HIPK2: variants seen among roughly 807,000 people sequenced by gnomAD.
HIPK2 encodes homeodomain-interacting protein kinase 2.
Under a neutral mutation model 113.7 loss-of-function variants are expected in HIPK2, and 27 were observed. The ratio of observed to expected loss-of-function variants is 0.24; its 90% CI spans 0.17 to 0.33. The LOEUF (loss-of-function observed/expected upper bound fraction) is 0.33, where lower values mean the gene tolerates loss of function less well. Ranked by LOEUF, HIPK2 falls within the 10% of genes least tolerant of loss-of-function variation. HIPK2 has a pLI of 1.00. For synonymous variants in HIPK2, 631 were observed against 642.2 expected (o/e 0.98, Z 0.26); for missense variants, 1,257 against 1,588.0 (o/e 0.79, Z 3.54).
intron 2 of HIPK2, among the ~76,000 whole-genome samples, chr7:139,640,643 TCTTC>T (rs755836861): frequency 3.9e-5 from 6 of 152,078 alleles, no homozygotes; most frequent in African/African-American, 9.7e-5. Flanking sequence ...AGATCATCCC[TCTTC>T]CTTATTTTTT....
rs962451173 is a variant in HIPK2 at position 139,565,914 on chromosome 7, A to C, written c.*7013T>G. 11 of 152,114 alleles carry C rather than the reference A, an allele frequency of 7.2e-5. No homozygotes were observed. The highest frequency in any genetic ancestry group is 7.2e-4 in the Admixed American group (11 of 15,274). 9.4% of individuals were successfully genotyped at this position (152,114 alleles called of 1,614,324 possible). The stretch of plus-strand genomic sequence containing the variant: ...CATTTTGAAAAAAATATATACCTTT[A>C]GTATTGCCTTTCTAGAATTAACTAT... On this transcript the variant is annotated 3_prime_UTR_variant, in exon 15 of 15. Coordinates refer to ENST00000406875, the MANE Select transcript of HIPK2 (RefSeq NM_022740.5).
At chr7:139,730,426 T>C (rs1239818926) in intron 1 of HIPK2, among the ~76,000 whole-genome samples, 2 of 150,918 alleles carry the variant, frequency 1.3e-5, no homozygotes, top group African/African-American at 4.9e-5. Flanking sequence ...AGTGGTGAGA[T>C]CTCGGCTCAC....
chr7:139,682,190 CA>C (rs909196848), intron 2 of HIPK2, among the ~76,000 whole-genome samples: 11 of 152,308 alleles, frequency 7.2e-5, no homozygotes, highest in Admixed American at 2.0e-4. Context: ...ATATTCACGA[CA>C]GGCAAGGTCC....
At chr7:139,717,088 A>G (rs1317198462) in intron 1 of HIPK2, 73 bp from the exon 2 acceptor site, 6 of 1,508,896 alleles carry the variant, frequency 4.0e-6, no homozygotes, top group Non-Finnish European at 5.3e-6. Context: ...GATCCCCTTC[A>G]GTTCTCATCT....
chr7:139,734,732 C>A (rs1221821929), intron 1 of HIPK2, among the ~76,000 whole-genome samples: 1 of 152,170 alleles, frequency 6.6e-6, no homozygotes, highest in Non-Finnish European at 1.5e-5. Context: ...CCCAGGGGAC[C>A]ACTGATTCAT....
At chr7:139,586,283 G>A (rs968591019) in intron 12 of HIPK2, among the ~76,000 whole-genome samples, 9 of 152,128 alleles carry the variant, frequency 5.9e-5, no homozygotes, top group African/African-American at 2.2e-4. Flanking sequence ...TAAACACAGA[G>A]TTACCCTATA....
At position 139,622,317 on chromosome 7, in the gene HIPK2, A is replaced by G. The variant is rs188323420; in HGVS notation, c.1620-1754T>C. Among the ~76,000 whole-genome samples the G allele has an allele frequency of 1.1e-3, 174 of 152,374 alleles. 1 individual carries two copies. The highest frequency in any genetic ancestry group is 4.1e-3 in the African/African-American group (169 of 41,588). On this transcript the variant is annotated intron_variant, in intron 6 of 14. Coordinates refer to ENST00000406875, the MANE Select transcript of HIPK2 (RefSeq NM_022740.5). The stretch of plus-strand genomic sequence containing the variant: ...ATATTCTGCGGTATCCAGTAGGTAA[A>G]AATACTCCTAATAATGCTGTTAATG...
At chr7:139,711,495 T>C (rs1795067219) in intron 2 of HIPK2, among the ~76,000 whole-genome samples, 1 of 152,220 alleles carries the variant, frequency 6.6e-6, no homozygotes, top group South Asian at 2.1e-4. Flanking sequence ...TAATTTTTTA[T>C]GTTCAATTTT....
At chr7:139,702,835 C>T (rs1296102597) in intron 2 of HIPK2, among the ~76,000 whole-genome samples, 6 of 152,214 alleles carry the variant, frequency 3.9e-5, no homozygotes, top group Admixed American at 6.5e-5. Flanking sequence ...AATAGTTTGT[C>T]ACTTCTCTGT....
At chr7:139,691,682 T>C (rs1337531865) in intron 2 of HIPK2, among the ~76,000 whole-genome samples, 1 of 152,220 alleles carries the variant, frequency 6.6e-6, no homozygotes, top group Non-Finnish European at 1.5e-5. Context: ...GAGGTGAGCC[T>C]GGTGTGGAGA....
At chr7:139,600,350 A>C in intron 11 of HIPK2, 67 bp downstream of exon 11, 1 of 1,547,176 alleles carries the variant, frequency 6.5e-7, no homozygotes, top group Non-Finnish European at 8.8e-7. Flanking sequence ...ATACTCCCTA[A>C]ACTACATTTC....
At chr7:139,670,792 C>T (rs1315624992) in intron 2 of HIPK2, among the ~76,000 whole-genome samples, 2 of 109,190 alleles carry the variant, frequency 1.8e-5, no homozygotes, top group African/African-American at 7.2e-5. Context: ...GAGGCAGAGT[C>T]TTGCTCTGCT....
chr7:139,665,035 CTCTCT>C (rs949555653), intron 2 of HIPK2, among the ~76,000 whole-genome samples: 2 of 141,150 alleles, frequency 1.4e-5, no homozygotes, highest in African/African-American at 5.3e-5. Flanking sequence ...TCTTCTTTCT[CTCTCT>C]TTTTTTTTTT....
intron 1 of HIPK2, among the ~76,000 whole-genome samples, chr7:139,760,547 C>A (rs1026598730): frequency 6.6e-6 from 1 of 152,142 alleles, no homozygotes; most frequent in African/African-American, 2.4e-5. Context: ...AAGTATTAAA[C>A]TTTCCTCTGT....
intron 1 of HIPK2, among the ~76,000 whole-genome samples, chr7:139,726,924 G>C (rs1428946271): frequency 2.0e-5 from 3 of 152,218 alleles, no homozygotes; most frequent in Admixed American, 2.0e-4. Flanking sequence ...CTGACGGTAA[G>C]AGCACAGGCC....
intron 2 of HIPK2, among the ~76,000 whole-genome samples, chr7:139,704,938 T>A (rs1294570733): frequency 6.6e-6 from 1 of 152,130 alleles, no homozygotes; most frequent in African/African-American, 2.4e-5. Context: ...GCAACCAAGA[T>A]CTGTCCTCCT....
rs1399729420 is a variant in HIPK2, at chr7:139,575,118, T to C, written c.3126+10A>G. ...CCTGCCTGGCCTGGGGCGCCAGCTG[T>C]GGGGCTTACCTGGCTGAGATTGAGT... On this transcript the variant is annotated intron_variant, in intron 14 of 14. Transcript: ENST00000406875. The C allele has an allele frequency of 6.3e-7, 1 of 1,587,412 alleles. No homozygotes were observed. Among genetic ancestry groups the C allele is most frequent in the Non-Finnish European group, 8.6e-7 (1 of 1,167,556 alleles).
intron 1 of HIPK2, among the ~76,000 whole-genome samples, chr7:139,772,752 ATT>A (rs5887935): frequency 0.015 from 2,049 of 137,864 alleles, 44 homozygotes; most frequent in African/African-American, 0.049. Context: ...ACGCCCAGCT[ATT>A]TTTTTTTTTT....
Position 139,575,040 on chromosome 7 carries a change from G to A in HIPK2, c.3126+88C>T, listed in dbSNP as rs531501250. The A allele has an allele frequency of 2.7e-6, 4 of 1,464,018 alleles. No individual in the cohort carries two copies. The Admixed American group carries it at 6.9e-5, about 25-fold the overall frequency. 90.7% of individuals were successfully genotyped at this position (1,464,018 alleles called of 1,614,324 possible). ...AGGACTGCAGCCCTGTGAGGTGGGTGAGGGGCCGCCACAGCAATCCTCTCT... is the reference window on the plus strand; with the variant it reads ...AGGACTGCAGCCCTGTGAGGTGGGTAAGGGGCCGCCACAGCAATCCTCTCT... On this transcript the variant is annotated intron_variant, in intron 14 of 14. Coordinates refer to ENST00000406875, the MANE Select transcript of HIPK2 (RefSeq NM_022740.5).
Sources: gnomAD v4.1 joint callset for allele counts (sites outside exome capture counted in the v4.1 genomes callset) on GRCh38, gnomAD v4.1.1 for gene constraint, MANE v1.5 for transcripts, NCBI Gene and HGNC (gene_info 2026-07-23, HGNC 2026-07-21) for gene names.